WDFY1: variants seen among roughly 807,000 people sequenced by gnomAD.
WDFY1 encodes the protein WD repeat and FYVE domain-containing protein 1.
A neutral mutation model predicts 56.4 loss-of-function variants in WDFY1; 32 were observed. The observed-to-expected ratio is 0.57, with a 90% CI of 0.43 to 0.76. WDFY1 has a LOEUF of 0.76. WDFY1 is among the 30% of genes least tolerant of loss of function. The pLI is 0.00. For missense variants in WDFY1, 480 were observed against 545.7 expected (o/e 0.88, Z 1.20); for synonymous variants, 192 against 197.3 (o/e 0.97, Z 0.23).
chr2:223,900,687 T>C (rs1454900683), intron 5 of WDFY1, among the ~76,000 whole-genome samples: 3 of 152,308 alleles, frequency 2.0e-5, no homozygotes, highest in South Asian at 2.1e-4. Flanking sequence ...TTGTAGCCCA[T>C]TTAGGAACAA....
In WDFY1 at chr2:223,917,940, T is replaced by G. The variant is rs760211143; in HGVS notation, c.205+3A>C. 14 of 1,614,078 alleles carry G rather than the reference T, an allele frequency of 8.7e-6. No individual in the cohort carries two copies. Among genetic ancestry groups the G allele is most frequent in the Admixed American group, 1.7e-5 (1 of 60,006 alleles). On this transcript the variant is annotated splice_donor_region_variant and intron_variant, in intron 2 of 11. Coordinates refer to ENST00000233055, the MANE Select transcript of WDFY1 (RefSeq NM_020830.5). ...TCTCAAATGGAACAGTTCAGCTACT[T>G]ACAGGCCATTGTGTGGTAAATGCTG...
intron 1 of WDFY1, among the ~76,000 whole-genome samples, chr2:223,921,344 A>G (rs1693881474): frequency 6.6e-6 from 1 of 152,166 alleles, no homozygotes; most frequent in Non-Finnish European, 1.5e-5. Flanking sequence ...CCACCAACCA[A>G]TTGATAGGAA....
At chr2:223,938,651 A>C (rs957462964) in intron 1 of WDFY1, among the ~76,000 whole-genome samples, 1 of 152,150 alleles carries the variant, frequency 6.6e-6, no homozygotes, top group Non-Finnish European at 1.5e-5. Context: ...CTGACCACCC[A>C]AACCACTAAT....
intron 1 of WDFY1, among the ~76,000 whole-genome samples, chr2:223,932,541 A>G (rs1309915070): frequency 6.6e-6 from 1 of 152,172 alleles, no homozygotes; most frequent in Non-Finnish European, 1.5e-5. Context: ...GAAACTGAAT[A>G]TCTTTTTTAA....
intron 2 of WDFY1, among the ~76,000 whole-genome samples, chr2:223,914,239 A>G (rs1693751952): frequency 6.6e-6 from 1 of 151,944 alleles, no homozygotes; most frequent in African/African-American, 2.4e-5. Flanking sequence ...TCAAATGATC[A>G]GCCTGCCTCG....
Position 223,885,896 on chromosome 2 carries a change from T to C in WDFY1, c.832-1147A>G, listed in dbSNP as rs144032700. Among the ~76,000 whole-genome samples the C allele has an allele frequency of 6.2e-3, 939 of 152,326 alleles. 10 individuals are homozygous for C. The highest frequency in any genetic ancestry group is 0.021 in the African/African-American group (881 of 41,572). On this transcript the variant is annotated intron_variant, in intron 8 of 11. Coordinates refer to ENST00000233055, the MANE Select transcript of WDFY1 (RefSeq NM_020830.5). The stretch of plus-strand genomic sequence containing the variant: ...TTCACTGAGCAGCAAGCTCTGGTAC[T>C]GGAACTCTTGGTGCACGTTTCTTCT...
At chr2:223,910,602 A>G (rs574998378) in intron 3 of WDFY1, among the ~76,000 whole-genome samples, 1 of 152,298 alleles carries the variant, frequency 6.6e-6, no homozygotes, top group Admixed American at 6.5e-5. Context: ...ACTTCAATAG[A>G]TATTTCTCCA....
At chr2:223,919,948 T>C (rs1693862074) in intron 1 of WDFY1, among the ~76,000 whole-genome samples, 2 of 152,058 alleles carry the variant, frequency 1.3e-5, no homozygotes. Flanking sequence ...ACAGTGCCAA[T>C]TACCACAAGG....
intron 3 of WDFY1, among the ~76,000 whole-genome samples, chr2:223,909,635 C>T (rs543139847): frequency 6.6e-6 from 1 of 152,146 alleles, no homozygotes; most frequent in Non-Finnish European, 1.5e-5. Context: ...CCTTACCCTT[C>T]TCAGCGAACA....
At chr2:223,906,447 A>G (rs1693599461) in intron 3 of WDFY1, among the ~76,000 whole-genome samples, 1 of 152,196 alleles carries the variant, frequency 6.6e-6, no homozygotes, top group Non-Finnish European at 1.5e-5. Flanking sequence ...AAGTACACCT[A>G]TTTAATATAC....
rs778944419 is a variant in WDFY1, at chr2:223,912,259, A to G, written c.273T>C (p.Ala91=). The G allele has an allele frequency of 6.2e-7, 1 of 1,609,332 alleles. No homozygotes were observed. The highest frequency in any genetic ancestry group is 1.7e-5 in the Admixed American group (1 of 58,756). The change falls in exon 3 of 12, where the codon GCT becomes GCC. Residue 91 remains alanine (A), a synonymous_variant. Transcript: ENST00000233055. ...RRIFVGQDNG[A]VMEFHVSEDF... ...CATTCTAAAAGCTACCTACCATTACAGCTCCATTATCCTGGCCCACAAATA... is the reference window on the plus strand; with the variant it reads ...CATTCTAAAAGCTACCTACCATTACGGCTCCATTATCCTGGCCCACAAATA...
intron 1 of WDFY1, among the ~76,000 whole-genome samples, chr2:223,934,757 G>T (rs1039462073): frequency 6.6e-6 from 1 of 152,168 alleles, no homozygotes; most frequent in Non-Finnish European, 1.5e-5. Flanking sequence ...CTGACCTCAG[G>T]TGATCCACCT....
At chr2:223,918,252 CTA>C (rs1693825366) in intron 1 of WDFY1, among the ~76,000 whole-genome samples, 1 of 151,890 alleles carries the variant, frequency 6.6e-6, no homozygotes, top group South Asian at 2.1e-4. Flanking sequence ...CATATACATA[CTA>C]TATATAGTCA....
At chr2:223,901,069 A>C in intron 5 of WDFY1, 114 bp downstream of exon 5, 1 of 1,324,632 alleles carries the variant, frequency 7.5e-7, no homozygotes, top group Non-Finnish European at 9.9e-7. Context: ...TTTTGCACAA[A>C]CTTAAATAGG....
At chr2:223,909,640 C>T (rs984829730) in intron 3 of WDFY1, among the ~76,000 whole-genome samples, 47 of 152,124 alleles carry the variant, frequency 3.1e-4, no homozygotes, top group African/African-American at 1.1e-3. Flanking sequence ...CCCTTCTCAG[C>T]GAACAATACT....
At chr2:223,901,036 G>T in intron 5 of WDFY1, 147 bp downstream of exon 5, 1 of 928,594 alleles carries the variant, frequency 1.1e-6, no homozygotes, top group Non-Finnish European at 1.4e-6. Context: ...TACTTTCCAT[G>T]GTAAAAAAAA....
chr2:223,920,361 G>A (rs1157142627), intron 1 of WDFY1, among the ~76,000 whole-genome samples: 1 of 152,230 alleles, frequency 6.6e-6, no homozygotes, highest in East Asian at 1.9e-4. Context: ...ATATAGCAAA[G>A]GGATGTTCCC....
intron 4 of WDFY1, 37 bp downstream of exon 4, chr2:223,905,910 A>G (rs1693591371): frequency 3.5e-6 from 5 of 1,418,960 alleles, no homozygotes; most frequent in Non-Finnish European, 4.8e-6. Flanking sequence ...GTATGTCTAC[A>G]TGTATGTGTA....
At chr2:223,894,824 C>T (rs1014286383) in intron 7 of WDFY1, among the ~76,000 whole-genome samples, 1 of 152,156 alleles carries the variant, frequency 6.6e-6, no homozygotes, top group South Asian at 2.1e-4. Flanking sequence ...GTCATACTAC[C>T]CCTTAGGATG....
Sources: gnomAD v4.1 joint callset for allele counts (sites outside exome capture counted in the v4.1 genomes callset) on GRCh38, gnomAD v4.1.1 for gene constraint, MANE v1.5 for transcripts, NCBI Gene and HGNC (gene_info 2026-07-23, HGNC 2026-07-21) for gene names.